Variants in NME6 observed in about 807,000 individuals in gnomAD.
NME6 encodes the protein NME/NM23 nucleoside diphosphate kinase 6.
NME6 carries 16 observed loss-of-function variants against 22.2 expected under a neutral mutation model. The ratio of observed to expected loss-of-function variants is 0.72; its 90% CI spans 0.49 to 1.09. The LOEUF is 1.09. Ranked by LOEUF, NME6 falls within the 50% of genes least tolerant of loss-of-function variation. The pLI, the probability that NME6 is intolerant of heterozygous loss-of-function variation, is 0.00. For missense variants in NME6, 229 were observed against 239.0 expected (o/e 0.96, Z 0.28); for synonymous variants, 58 against 85.2 (o/e 0.68, Z 1.76).
chr3:48,290,166 T>C (rs888384343), downstream of NME6, among the ~76,000 whole-genome samples: 13 of 151,696 alleles, frequency 8.6e-5, no homozygotes, highest in African/African-American at 2.7e-4. Context: ...GCTCAAGTGA[T>C]CCTCCTGCCT....
intron 1 of NME6, 71 bp from the exon 2 acceptor site, chr3:48,298,594 C>A: frequency 8.6e-7 from 1 of 1,168,752 alleles, no homozygotes; most frequent in South Asian, 1.6e-5. Flanking sequence ...TGGAGCCACG[C>A]AGCCTTGCAA....
chr3:48,290,904 C>A, downstream of NME6: 1 of 244,622 alleles, frequency 4.1e-6, no homozygotes, highest in Non-Finnish European at 8.1e-6. Context: ...TTTTAAGGTC[C>A]CAGGTTCGTG....
downstream of NME6, among the ~76,000 whole-genome samples, chr3:48,289,913 A>C (rs981762829): frequency 2.0e-5 from 3 of 152,240 alleles, no homozygotes; most frequent in Middle Eastern, 3.2e-3. Context: ...GCTTATATGA[A>C]GTGACTTCTA....
At chr3:48,300,935 C>T (rs1157290993) in intron 1 of NME6, among the ~76,000 whole-genome samples, 1 of 152,086 alleles carries the variant, frequency 6.6e-6, no homozygotes, top group Non-Finnish European at 1.5e-5. Flanking sequence ...ACAGTCACAG[C>T]TACTAGGGAG....
At chr3:48,288,099 G>A (rs1471186216), downstream of NME6, among the ~76,000 whole-genome samples, 2 of 152,162 alleles carry the variant, frequency 1.3e-5, no homozygotes, top group Non-Finnish European at 2.9e-5. Flanking sequence ...TAGCTTAAAA[G>A]TAAGAGCGTG....
chr3:48,289,133 C>T (rs1337465070), downstream of NME6, among the ~76,000 whole-genome samples: 4 of 151,884 alleles, frequency 2.6e-5, no homozygotes, highest in African/African-American at 9.7e-5. Context: ...GGCGTGATCT[C>T]AGCTCACCGC....
rs1575310520 is a variant in NME6 at position 48,292,361 on chromosome 3, A to C, written c.*2276T>G. The C allele has an allele frequency of 6.6e-6, 1 of 152,144 alleles. No individual in the cohort carries two copies. Among genetic ancestry groups the C allele is most frequent in the Non-Finnish European group, 1.5e-5 (1 of 68,020 alleles). The allele number at this position is 152,144 out of a possible 1,614,324, so 9.4% of individuals were successfully genotyped here. ...GTTTATTCTAGTTTTCTCCCTTTCC[A>C]TATTTGTGGGAGCCAGGTTTTTATG... On this transcript the variant is annotated 3_prime_UTR_variant, in exon 6 of 6. Transcript: ENST00000442597.
chr3:48,291,211 T>C (rs996441203), downstream of NME6: 12 of 367,474 alleles, frequency 3.3e-5, no homozygotes, highest in African/African-American at 2.4e-4. Flanking sequence ...TGTAATATAT[T>C]GGAAAAATAA....
Position 48,301,226 on chromosome 3 carries a change from C to T in NME6, c.-8+127G>A, listed in dbSNP as rs115474173. 3,376 of 1,521,898 alleles carry T rather than the reference C, an allele frequency of 2.2e-3. 65 individuals are homozygous for T. In the African/African-American group the frequency reaches 0.04, roughly 18 times the overall value. 94.3% of individuals were successfully genotyped at this position (1,521,898 alleles called of 1,614,324 possible). A position where few individuals can be genotyped will look rare whatever the true frequency, so the allele number is the denominator to read the frequency against. On this transcript the variant is annotated intron_variant, in intron 1 of 5. Coordinates refer to ENST00000442597, the MANE Select transcript of NME6 (RefSeq NM_001308426.2). Reference sequence around the variant, plus strand: ...CCGGGCTCACGGCCTCAACTCTCGACCCAGCCCCCTACTTCTCTAGGCCTG... The same window carrying T: ...CCGGGCTCACGGCCTCAACTCTCGATCCAGCCCCCTACTTCTCTAGGCCTG...
intron 1 of NME6, among the ~76,000 whole-genome samples, chr3:48,299,690 T>C (rs2035498768): frequency 6.6e-6 from 1 of 152,162 alleles, no homozygotes; most frequent in South Asian, 2.1e-4. Flanking sequence ...TTCTCATTTA[T>C]CTTATCCTAA....
intron 4 of NME6, chr3:48,295,511 C>A: frequency 2.4e-6 from 1 of 414,178 alleles, no homozygotes; most frequent in Non-Finnish European, 4.3e-6. Flanking sequence ...AGTGACAGCC[C>A]CAAACCCGTG....
intron 3 of NME6, 108 bp downstream of exon 3, chr3:48,296,619 T>C (rs1468211539): frequency 5.4e-6 from 4 of 739,658 alleles, no homozygotes; most frequent in African/African-American, 5.3e-5. Context: ...TGGCTGCAAC[T>C]GTACACGGTT....
In NME6 at chr3:48,294,444, A is replaced by G. The variant is rs537375760; in HGVS notation, c.*193T>C. On this transcript the variant is annotated 3_prime_UTR_variant, in exon 6 of 6. Transcript: ENST00000442597. ...AGTCATCATTCTTCTGAACCACCAT[A>G]AACATTCCAGAGAAGAGGTAGATAG... 1.8e-3 allele frequency: 1,046 copies of G among 567,114 alleles called. 4 individuals carry two copies. Among genetic ancestry groups the G allele is most frequent in the Middle Eastern group, 3.3e-3 (7 of 2,102 alleles). 35.1% of individuals were successfully genotyped at this position (567,114 alleles called of 1,614,324 possible). A position where few individuals can be genotyped will look rare whatever the true frequency, so the allele number is the denominator to read the frequency against.
At chr3:48,287,789 A>G (rs2034252924), downstream of NME6, among the ~76,000 whole-genome samples, 1 of 152,140 alleles carries the variant, frequency 6.6e-6, no homozygotes, top group South Asian at 2.1e-4. Context: ...CATCCTAACA[A>G]GAAGGAAGCA....
chr3:48,301,240 T>C, intron 1 of NME6, 113 bp downstream of exon 1: 1 of 1,560,086 alleles, frequency 6.4e-7, no homozygotes, highest in South Asian at 1.2e-5. Context: ...GCCCCCTACT[T>C]CTCTAGGCCT....
At chr3:48,295,541 G>A (rs1285255746) in intron 4 of NME6, 3 of 343,400 alleles carry the variant, frequency 8.7e-6, no homozygotes, top group Non-Finnish European at 1.6e-5. Context: ...ATTTGACATT[G>A]TTTACAACTT....
chr3:48,296,575 A>G, intron 3 of NME6, 152 bp downstream of exon 3: 1 of 618,920 alleles, frequency 1.6e-6, no homozygotes, highest in South Asian at 2.0e-5. Context: ...ATAATCATGA[A>G]AAGTGTGTGT....
At chr3:48,292,257 TACAA>T (rs1198871717), downstream of NME6, 7 of 152,212 alleles carry the variant, frequency 4.6e-5, no homozygotes, top group Admixed American at 4.6e-4. Flanking sequence ...GGACTATACA[TACAA>T]AAACATATTT....
At chr3:48,289,586 G>T (rs552144863), downstream of NME6, among the ~76,000 whole-genome samples, 2 of 152,206 alleles carry the variant, frequency 1.3e-5, no homozygotes, top group Admixed American at 1.3e-4. Flanking sequence ...CTTTTCTCCT[G>T]GCTGCTCCTC....
Sources: allele counts gnomAD v4.1 joint callset (sites outside exome capture counted in the v4.1 genomes callset), GRCh38; gene constraint gnomAD v4.1.1; transcripts MANE v1.5; gene names NCBI Gene and HGNC (gene_info 2026-07-23, HGNC 2026-07-21).